PRMT9: variants seen among roughly 807,000 people sequenced by gnomAD.
PRMT9 encodes protein arginine methyltransferase 9.
In PRMT9, 59 loss-of-function variants were observed where a neutral mutation model predicts 83.2. The ratio of observed to expected loss-of-function variants is 0.71; its 90% CI spans 0.57 to 0.88. The LOEUF is 0.88. Ranked by LOEUF, PRMT9 falls within the 40% of genes least tolerant of loss-of-function variation. The pLI is 0.00. For missense variants in PRMT9, 947 were observed against 1,021.9 expected (o/e 0.93, Z 1.00); for synonymous variants, 333 against 353.2 (o/e 0.94, Z 0.64).
chr4:147,666,378 A>G (rs1416864578), intron 6 of PRMT9, among the ~76,000 whole-genome samples: 2 of 152,164 alleles, frequency 1.3e-5, no homozygotes, highest in South Asian at 2.1e-4. Flanking sequence ...TTTGGCCCTC[A>G]GATGTTTAAC....
At chr4:147,663,668 A>G (rs139171964) in intron 6 of PRMT9, among the ~76,000 whole-genome samples, 2 of 151,904 alleles carry the variant, frequency 1.3e-5, no homozygotes, top group Admixed American at 1.3e-4. Flanking sequence ...GCCCAGCCAG[A>G]CAATTTCTTG....
At chr4:147,652,008 C>T (rs962810598) in intron 9 of PRMT9, among the ~76,000 whole-genome samples, 2 of 151,958 alleles carry the variant, frequency 1.3e-5, no homozygotes, top group African/African-American at 4.8e-5. Context: ...TAAAATGTGG[C>T]TATAAAGTGA....
chr4:147,656,937 A>G (rs1157217300), intron 8 of PRMT9, among the ~76,000 whole-genome samples: 3 of 151,878 alleles, frequency 2.0e-5, no homozygotes, highest in Non-Finnish European at 4.4e-5. Context: ...TAAAAAGGGT[A>G]GTTTTTCTAT....
chr4:147,661,028 T>C lies in PRMT9; in HGVS notation c.964A>G (p.Lys322Glu), dbSNP rs1578908839. 6.2e-7 allele frequency: 1 copy of C among 1,608,876 alleles called. No individual in the cohort carries two copies. Among genetic ancestry groups the C allele is most frequent in the African/African-American group, 1.3e-5 (1 of 74,758 alleles). The change falls in exon 7 of 12, where the codon AAG becomes GAG. Residue 322 changes from lysine (K) to glutamate (E), a missense_variant. Physicochemically the swap from Lys to Glu is moderately conservative, Grantham distance 56 (BLOSUM62 1). Coordinates refer to ENST00000322396, the MANE Select transcript of PRMT9 (RefSeq NM_138364.4). ...GGCAAATGGATACCAGCAATGTCCT[T>C]AATACCCACTCTGGAGAGAGAGAAA... Reference protein sequence around the residue: ...EIRRHHRVGIKDIAGIHLPTN... With the variant: ...EIRRHHRVGIEDIAGIHLPTN...
intron 9 of PRMT9, among the ~76,000 whole-genome samples, chr4:147,646,036 G>C (rs758260137): frequency 6.6e-6 from 1 of 152,088 alleles, no homozygotes; most frequent in Non-Finnish European, 1.5e-5. Flanking sequence ...TAGGTAGTCT[G>C]GTAGAAATTC....
rs775855861 is a variant in PRMT9, at chr4:147,660,833, G to T, written c.1146+13C>A. On this transcript the variant is annotated intron_variant, in intron 7 of 11. Coordinates refer to ENST00000322396, the MANE Select transcript of PRMT9 (RefSeq NM_138364.4). Reference sequence around the variant, plus strand: ...AATTTAATGCTTGAAAATAGTAACTGAATTTTTTTCACCTGAAGGTTGTTG... The same window carrying T: ...AATTTAATGCTTGAAAATAGTAACTTAATTTTTTTCACCTGAAGGTTGTTG... 6.3e-7 allele frequency: 1 copy of T among 1,583,278 alleles called. No homozygotes were observed. The highest frequency in any genetic ancestry group is 8.7e-7 in the Non-Finnish European group (1 of 1,152,146).
At position 147,660,851 on chromosome 4, in the gene PRMT9, G is replaced by A. The variant is rs1369017713; in HGVS notation, c.1141C>T (p.Leu381Phe). ...AGTAACTGAATTTTTTTCACCTGAAGGTTGTTGAAATCTACTGTCATAATT... is the reference window on the plus strand; with the variant it reads ...AGTAACTGAATTTTTTTCACCTGAAAGTTGTTGAAATCTACTGTCATAATT... The part of the protein sequence containing the change: ...FEIMTVDFNN[L>F]QELKSLATKK... The change falls in exon 7 of 12, where the codon CTT becomes TTT. Residue 381 changes from leucine (L) to phenylalanine (F), a missense_variant. Coordinates refer to ENST00000322396, the MANE Select transcript of PRMT9 (RefSeq NM_138364.4). The A allele has an allele frequency of 1.9e-6, 3 of 1,609,830 alleles. No homozygotes were observed. Among genetic ancestry groups the A allele is most frequent in the African/African-American group, 2.7e-5 (2 of 74,916 alleles).
chr4:147,653,047 C>T (rs898143426), intron 9 of PRMT9, among the ~76,000 whole-genome samples: 3 of 152,102 alleles, frequency 2.0e-5, no homozygotes, highest in Non-Finnish European at 2.9e-5. Context: ...TGGATTCATG[C>T]GTGTGTACAT....
At chr4:147,659,578 TC>T (rs1379602566) in intron 7 of PRMT9, among the ~76,000 whole-genome samples, 5 of 33,638 alleles carry the variant, frequency 1.5e-4, no homozygotes, top group East Asian at 9.2e-4. Context: ...CACTTTCTTT[TC>T]TTTTTTTTTT....
rs2126647280 is a variant in PRMT9 at position 147,684,163 on chromosome 4, T to A, written c.-176A>T. ...CCCAGGCGGAAGCTCCGCCCCGTCC[T>A]GGCCCCGCGGGCGGCGCAGACCGTG... On this transcript the variant is annotated 5_prime_UTR_variant, in exon 1 of 12. Coordinates refer to ENST00000322396, the MANE Select transcript of PRMT9 (RefSeq NM_138364.4). 1 of 761,214 alleles carries A rather than the reference T, an allele frequency of 1.3e-6. No individual in the cohort carries two copies. The highest frequency in any genetic ancestry group is 2.7e-5 in the East Asian group (1 of 37,276). 47.2% of individuals were successfully genotyped at this position (761,214 alleles called of 1,614,324 possible).
intron 9 of PRMT9, among the ~76,000 whole-genome samples, chr4:147,652,059 T>C (rs1204065218): frequency 6.6e-6 from 1 of 152,104 alleles, no homozygotes; most frequent in Admixed American, 6.6e-5. Context: ...AATTTGCAAA[T>C]TCATGTGTCA....
chr4:147,657,524 TAA>T (rs766358946), intron 8 of PRMT9, among the ~76,000 whole-genome samples: 36 of 139,102 alleles, frequency 2.6e-4, no homozygotes, highest in Non-Finnish European at 2.5e-4. Context: ...ACTCTGTCGT[TAA>T]AAAAAAAAAA....
intron 1 of PRMT9, among the ~76,000 whole-genome samples, chr4:147,683,356 C>T (rs1736621304): frequency 1.3e-5 from 2 of 152,146 alleles, no homozygotes; most frequent in East Asian, 3.9e-4. Flanking sequence ...TTGCAAAAAG[C>T]TAGCTATGTT....
chr4:147,656,522 C>T (rs1160688506), intron 8 of PRMT9, among the ~76,000 whole-genome samples: 1 of 151,954 alleles, frequency 6.6e-6, no homozygotes. Context: ...CCTGTAATGC[C>T]AGCACTTTGG....
chr4:147,657,566 T>C (rs1293292176), intron 8 of PRMT9, among the ~76,000 whole-genome samples: 1 of 151,040 alleles, frequency 6.6e-6, no homozygotes, highest in East Asian at 1.9e-4. Context: ...GCTGAAGAAA[T>C]AATGATAGGT....
chr4:147,656,786 A>AAG (rs1553992436), intron 8 of PRMT9, among the ~76,000 whole-genome samples: 4 of 148,916 alleles, frequency 2.7e-5, no homozygotes, highest in Admixed American at 2.7e-4. Context: ...AAAAAAAAAA[A>AAG]AAAAAAAAAG....
At chr4:147,664,689 G>A (rs181762144) in intron 6 of PRMT9, among the ~76,000 whole-genome samples, 53 of 152,200 alleles carry the variant, frequency 3.5e-4, no homozygotes, top group African/African-American at 1.2e-3. Flanking sequence ...TAATGCATGC[G>A]GGGCTTAAAA....
rs143662036 is a variant in PRMT9, at chr4:147,670,547, T to C, written c.846+94A>G. 215 of 936,382 alleles carry C rather than the reference T, an allele frequency of 2.3e-4. 1 individual carries two copies. In the African/African-American group the frequency reaches 2.6e-3, roughly 11 times the overall value. 58.0% of individuals were successfully genotyped at this position (936,382 alleles called of 1,614,324 possible). A position where few individuals can be genotyped will look rare whatever the true frequency, so the allele number is the denominator to read the frequency against. ...GTACACCTTGGCAATGGAAAATATA[T>C]TTCATATTGTTTTGTAAATATACTA... On this transcript the variant is annotated intron_variant, in intron 5 of 11. Coordinates refer to ENST00000322396, the MANE Select transcript of PRMT9 (RefSeq NM_138364.4).
chr4:147,640,852 G>C (rs1733348606), intron 10 of PRMT9, among the ~76,000 whole-genome samples: 1 of 152,124 alleles, frequency 6.6e-6, no homozygotes, highest in African/African-American at 2.4e-5. Context: ...CTCCCGAGTA[G>C]CTGGGACTAG....
Sources: allele counts gnomAD v4.1 joint callset (sites outside exome capture counted in the v4.1 genomes callset), GRCh38; gene constraint gnomAD v4.1.1; transcripts MANE v1.5; gene names NCBI Gene and HGNC (gene_info 2026-07-23, HGNC 2026-07-21).